Variants in EYS observed in about 807,000 individuals in gnomAD.
EYS encodes EGF-like photoreceptor maintenance factor.
In EYS, 250 loss-of-function variants were observed where a neutral mutation model predicts 282.1. That is an observed-to-expected ratio of 0.89 (90% CI 0.80 to 0.98). EYS has a LOEUF of 0.98. EYS is among the 50% of genes least tolerant of loss of function. EYS has a pLI of 0.00. For missense variants in EYS, 4,016 were observed against 3,709.0 expected, an observed-to-expected ratio of 1.08 and a Z score of -2.15; for synonymous variants, 1,355 against 1,282.9, an observed-to-expected ratio of 1.06 and a Z score of -1.20.
At chr6:63,882,777 T>C (rs1266900355) in intron 35 of EYS, among the ~76,000 whole-genome samples, 1 of 152,048 alleles carries the variant, frequency 6.6e-6, no homozygotes, top group Non-Finnish European at 1.5e-5. Context: ...ACATAAAAAA[T>C]GCAAAATTGG....
intron 31 of EYS, among the ~76,000 whole-genome samples, chr6:64,092,031 T>C (rs1368248683): frequency 6.6e-6 from 1 of 152,206 alleles, no homozygotes; most frequent in Non-Finnish European, 1.5e-5. Context: ...GATAGTTTGC[T>C]GAGAATGATG....
Position 64,872,627 on chromosome 6 carries a change from T to A in EYS, c.2992+14070A>T, listed in dbSNP as rs59341984. The stretch of plus-strand genomic sequence containing the variant: ...GTGTTTAGAGATGAGAAAATGTAAA[T>A]CAATATCTCACCTTTCCTTAATCCT... On this transcript the variant is annotated intron_variant, in intron 19 of 42. Transcript: ENST00000503581. Among the ~76,000 whole-genome samples the A allele has an allele frequency of 9.5e-3, 1,442 of 152,078 alleles. 23 individuals carry two copies. The highest frequency in any genetic ancestry group is 0.033 in the African/African-American group (1,363 of 41,496).
At chr6:64,951,005 G>C (rs987296973) in intron 14 of EYS, among the ~76,000 whole-genome samples, 9 of 151,410 alleles carry the variant, frequency 5.9e-5, no homozygotes, top group Non-Finnish European at 1.0e-4. Context: ...AGTAGCTGGA[G>C]TTTGCAGCAG....
Position 65,531,410 on chromosome 6 carries a change from G to T in EYS, c.-332-35417C>A, listed in dbSNP as rs375387205. ...AATACAAAGGTCTATGTTATGTTCAGCATTCGGGATTCTGGGATTAAATGG... is the reference window on the plus strand; with the variant it reads ...AATACAAAGGTCTATGTTATGTTCATCATTCGGGATTCTGGGATTAAATGG... On this transcript the variant is annotated intron_variant, in intron 2 of 42. Coordinates refer to ENST00000503581, the MANE Select transcript of EYS (RefSeq NM_001142800.2). Among the ~76,000 whole-genome samples, 40 of 152,260 alleles carry T rather than the reference G, an allele frequency of 2.6e-4. No individual in the cohort carries two copies. The East Asian group carries it at 7.5e-3, about 29-fold the overall frequency.
At chr6:64,053,054 T>C (rs1770866235) in intron 33 of EYS, among the ~76,000 whole-genome samples, 1 of 152,200 alleles carries the variant, frequency 6.6e-6, no homozygotes, top group Non-Finnish European at 1.5e-5. Context: ...TAATAATTTA[T>C]AAACAACTTT....
At chr6:65,220,381 T>C (rs1195716040) in intron 12 of EYS, among the ~76,000 whole-genome samples, 2 of 152,136 alleles carry the variant, frequency 1.3e-5, no homozygotes, top group Admixed American at 6.5e-5. Flanking sequence ...TGGGTGGTAA[T>C]TGAAACATGA....
At chr6:65,657,580 C>T (rs1257292103) in intron 1 of EYS, among the ~76,000 whole-genome samples, 1 of 151,838 alleles carries the variant, frequency 6.6e-6, no homozygotes, top group African/African-American at 2.4e-5. Context: ...GCTGTAATCT[C>T]ATGATCAAAC....
chr6:65,584,398 T>C (rs1197388529), intron 2 of EYS, among the ~76,000 whole-genome samples: 1 of 152,080 alleles, frequency 6.6e-6, no homozygotes, highest in Non-Finnish European at 1.5e-5. Context: ...AATGTCAACA[T>C]TAGGAGACCC....
chr6:64,149,777 T>C (rs1211842644), intron 31 of EYS, among the ~76,000 whole-genome samples: 1 of 152,190 alleles, frequency 6.6e-6, no homozygotes, highest in African/African-American at 2.4e-5. Context: ...TCTTAGCCAT[T>C]GTGTTATATT....
chr6:64,583,521 C>T (rs1344230879), intron 26 of EYS, among the ~76,000 whole-genome samples: 1 of 152,118 alleles, frequency 6.6e-6, no homozygotes, highest in African/African-American at 2.4e-5. Flanking sequence ...TTAGGCCAGG[C>T]ACAGTAGCTC....
intron 8 of EYS, among the ~76,000 whole-genome samples, chr6:65,358,179 C>T (rs766367712): frequency 6.6e-6 from 1 of 151,900 alleles, no homozygotes; most frequent in Non-Finnish European, 1.5e-5. Flanking sequence ...ATATTTGGAA[C>T]TGATGCTTTA....
intron 15 of EYS, among the ~76,000 whole-genome samples, chr6:64,931,650 A>G (rs945113084): frequency 6.6e-6 from 1 of 152,270 alleles, no homozygotes; most frequent in Non-Finnish European, 1.5e-5. Flanking sequence ...AATGTTTTAA[A>G]TAATAAAAAC....
intron 35 of EYS, among the ~76,000 whole-genome samples, chr6:63,868,886 T>C (rs1195089374): frequency 6.6e-6 from 1 of 152,234 alleles, no homozygotes; most frequent in African/African-American, 2.4e-5. Context: ...GATAGATTTT[T>C]CTTTGTCTGT....
chr6:65,126,166 C>A (rs894132188), intron 12 of EYS, among the ~76,000 whole-genome samples: 2 of 152,000 alleles, frequency 1.3e-5, no homozygotes, highest in Admixed American at 1.3e-4. Context: ...ATACCCATTT[C>A]TTGGATAAAC....
intron 26 of EYS, among the ~76,000 whole-genome samples, chr6:64,505,345 T>C (rs914375522): frequency 1.3e-5 from 2 of 152,218 alleles, no homozygotes; most frequent in Admixed American, 6.5e-5. Context: ...GTAGCTTTTA[T>C]CATAGGCCAC....
At chr6:64,716,855 T>C (rs1437726103) in intron 22 of EYS, among the ~76,000 whole-genome samples, 54 of 152,186 alleles carry the variant, frequency 3.5e-4, no homozygotes, top group Non-Finnish European at 1.5e-4. Flanking sequence ...GAAGGTTTCA[T>C]GCCTTTGTTG....
At chr6:65,100,154 CA>C (rs979532490) in intron 12 of EYS, among the ~76,000 whole-genome samples, 13 of 150,764 alleles carry the variant, frequency 8.6e-5, no homozygotes, top group Non-Finnish European at 1.9e-4. Flanking sequence ...TTTGTGCGGA[CA>C]GTTCACGATT....
chr6:63,791,184 T>C (rs545002413), intron 37 of EYS, among the ~76,000 whole-genome samples: 53 of 151,940 alleles, frequency 3.5e-4, no homozygotes, highest in Non-Finnish European at 4.6e-4. Context: ...GCTTGTTAGA[T>C]GAAAAAAGAG....
intron 28 of EYS, among the ~76,000 whole-genome samples, chr6:64,395,130 C>T (rs1191960793): frequency 6.6e-6 from 1 of 152,012 alleles, no homozygotes; most frequent in African/African-American, 2.4e-5. Flanking sequence ...AGTCAGGAAA[C>T]AACAGGTGCT....
Sources: gnomAD v4.1 joint callset for allele counts (sites outside exome capture counted in the v4.1 genomes callset) on GRCh38, gnomAD v4.1.1 for gene constraint, MANE v1.5 for transcripts, NCBI Gene and HGNC (gene_info 2026-07-23, HGNC 2026-07-21) for gene names.